OTOF: variants seen among roughly 807,000 people sequenced by gnomAD.
OTOF encodes otoferlin, also known as fer-1-like family member 2.
In OTOF, 218 loss-of-function variants were observed where a neutral mutation model predicts 236.8. The observed-to-expected ratio is 0.92, with a 90% CI of 0.82 to 1.03. The LOEUF (loss-of-function observed/expected upper bound fraction) is 1.03. Ranked by LOEUF, OTOF falls within the 50% of genes least tolerant of loss-of-function variation. OTOF has a pLI of 0.00. For missense variants in OTOF, 2,590 were observed against 2,694.4 expected, an observed-to-expected ratio of 0.96 and a Z score of 0.86; for synonymous variants, 1,041 against 1,072.5, an observed-to-expected ratio of 0.97 and a Z score of 0.57.
chr2:26,524,182 C>T (rs1311779616), intron 3 of OTOF, among the ~76,000 whole-genome samples: 2 of 152,230 alleles, frequency 1.3e-5, no homozygotes, highest in Non-Finnish European at 2.9e-5. Flanking sequence ...AACTATTCCC[C>T]TTTCTGTCTT....
At position 26,473,232 on chromosome 2, in the gene OTOF, G is replaced by A; in HGVS notation, c.3633C>T (p.Ala1211=). The A allele has an allele frequency of 6.2e-7, 1 of 1,613,380 alleles. No individual in the cohort carries two copies. Among genetic ancestry groups the A allele is most frequent in the Non-Finnish European group, 8.5e-7 (1 of 1,180,002 alleles). ...AGCCCACCAGTGTGTAGCGACCGAA[G>A]GCCCGGCAGTCCACCACACGGATGT... ...PLNIRVVDCR[A]FGRYTLVGSH... is the part of the protein sequence containing the mutation. Residue 1211 remains alanine, a synonymous_variant, in exon 29 of 47, where the codon GCC becomes GCT. Coordinates refer to ENST00000272371, the MANE Select transcript of OTOF (RefSeq NM_194248.3). This position sits in a 1 kb window ranked among gnomAD's most constrained non-coding sequence, Gnocchi z 7.2.
chr2:26,479,441 C>G (rs1169894976), intron 17 of OTOF, 32 bp downstream of exon 17: 1 of 1,604,874 alleles, frequency 6.2e-7, no homozygotes, highest in East Asian at 2.2e-5. Context: ...GTGGGAGGGC[C>G]AGGCCACAGG....
intron 5 of OTOF, among the ~76,000 whole-genome samples, chr2:26,504,123 G>C (rs1347657115): frequency 1.3e-5 from 2 of 152,122 alleles, no homozygotes; most frequent in Non-Finnish European, 2.9e-5. Flanking sequence ...ACGTGGTCTT[G>C]AGCCGGAAAG....
At chr2:26,510,786 C>T (rs747218726) in intron 5 of OTOF, 8 of 1,259,380 alleles carry the variant, frequency 6.4e-6, no homozygotes, top group East Asian at 5.6e-5. Flanking sequence ...CAAGGGGACA[C>T]GTGTGAGGGG....
Position 26,473,145 on chromosome 2 carries a change from GCTGGGGGCCGAGCGGT to G in OTOF, c.3704_3719del (p.Asp1235AlafsTer30). On this transcript the variant is annotated frameshift_variant, in exon 29 of 47. Coordinates refer to ENST00000272371, the MANE Select transcript of OTOF (RefSeq NM_194248.3). LOFTEE classifies it high-confidence loss of function. This position sits in a 1 kb window ranked among gnomAD's most constrained non-coding sequence, Gnocchi z 7.2. ...ATGTGGCCATACCCGTGGTGTTCCA[GCTGGGGGCCGAGCGGT>G]CTGGGGGCCGGTAGATGAAGCGTCG... 1 of 1,612,410 alleles carries G rather than the reference GCTGGGGGCCGAGCGGT, an allele frequency of 6.2e-7. No individual in the cohort carries two copies. Among genetic ancestry groups the G allele is most frequent in the South Asian group, 1.1e-5 (1 of 91,048 alleles).
In OTOF at chr2:26,480,884, G is replaced by C; in HGVS notation, c.1705C>G (p.Leu569Val). 1 of 1,613,030 alleles carries C rather than the reference G, an allele frequency of 6.2e-7. No homozygotes were observed. Among genetic ancestry groups the C allele is most frequent in the Non-Finnish European group, 8.5e-7 (1 of 1,179,994 alleles). Reference sequence around the variant, plus strand: ...ATCTCCACAGCCAGGCCCAGCAGGAGCCGGGCCCGGAAGGACACACCCTCC... The same window carrying C: ...ATCTCCACAGCCAGGCCCAGCAGGACCCGGGCCCGGAAGGACACACCCTCC... ...LGEGVSFRAR[L>V]LLGLAVEIVD... Residue 569 changes from leucine to valine, a missense_variant, in exon 15 of 47, where the codon CTC becomes GTC. Around this residue, in one of 2 missense-constraint regions of OTOF, gnomAD observed 1,379 missense variants for 1,341.6 expected, o/e 1.03. Coordinates refer to ENST00000272371, the MANE Select transcript of OTOF (RefSeq NM_194248.3).
intron 3 of OTOF, among the ~76,000 whole-genome samples, chr2:26,522,592 C>G (rs1379672662): frequency 6.6e-6 from 1 of 152,218 alleles, no homozygotes; most frequent in Non-Finnish European, 1.5e-5. Flanking sequence ...GAGGAGCTGC[C>G]TGGGAGAGTG....
chr2:26,499,656 CGCCACCACCATGCCTG>C (rs1454413743), intron 8 of OTOF, among the ~76,000 whole-genome samples: 4 of 151,940 alleles, frequency 2.6e-5, no homozygotes, highest in Non-Finnish European at 5.9e-5. Context: ...TACAGGTATG[CGCCACCACCATGCCTG>C]GCTAATTTTT....
At chr2:26,510,829 C>T (rs931893247) in intron 5 of OTOF, 2 of 955,382 alleles carry the variant, frequency 2.1e-6, no homozygotes, top group African/African-American at 1.7e-5. Flanking sequence ...TCAGCCCCGG[C>T]CCCACGGGCC....
chr2:26,544,025 T>C (rs1324312896), intron 1 of OTOF, among the ~76,000 whole-genome samples: 1 of 152,240 alleles, frequency 6.6e-6, no homozygotes, highest in Non-Finnish European at 1.5e-5. Flanking sequence ...CCAGCTTGCT[T>C]GTCCTTTAGA....
At chr2:26,504,778 T>C (rs541184518) in intron 5 of OTOF, among the ~76,000 whole-genome samples, 47 of 152,238 alleles carry the variant, frequency 3.1e-4, no homozygotes, top group African/African-American at 1.1e-3. Context: ...AGTGTTCCAT[T>C]ACCCCATCCA....
At chr2:26,490,412 G>A (rs990554215) in intron 9 of OTOF, among the ~76,000 whole-genome samples, 2 of 152,222 alleles carry the variant, frequency 1.3e-5, no homozygotes, top group East Asian at 3.9e-4. Flanking sequence ...AATGCCATGG[G>A]TGTGCACTGT....
At chr2:26,516,739 C>G in intron 4 of OTOF, 140 bp from the exon 5 acceptor site, 2 of 868,830 alleles carry the variant, frequency 2.3e-6, no homozygotes, top group South Asian at 1.4e-5. Context: ...ATGATCCCCT[C>G]TGCCCCATTT....
At position 26,476,987 on chromosome 2, in the gene OTOF, G is replaced by A. The variant is rs2272069; in HGVS notation, c.2580C>T (p.Val860=). ...CCTTGGAGGGCACACGGGCATAGGC[G>A]ACACGCTTGTTGTTGCTCATCATCC... ...FIWMMSNNKR[V]AYARVPSKDL... is the part of the protein sequence containing the mutation. The change falls in exon 22 of 47, where the codon GTC becomes GTT. Residue 860 remains valine (V), a synonymous_variant. Coordinates refer to ENST00000272371, the MANE Select transcript of OTOF (RefSeq NM_194248.3). 4.3e-6 allele frequency: 7 copies of A among 1,610,928 alleles called. No homozygotes were observed. The highest frequency in any genetic ancestry group is 4.0e-5 in the African/African-American group (3 of 74,706).
chr2:26,551,833 C>A (rs966016498), intron 1 of OTOF, among the ~76,000 whole-genome samples: 1 of 152,112 alleles, frequency 6.6e-6, no homozygotes, highest in African/African-American at 2.4e-5. Flanking sequence ...TTATTAATTT[C>A]TTTAAAATGA....
chr2:26,458,020 C>T lies in OTOF; in HGVS notation c.*218G>A, dbSNP rs1487181979. ...GAAATGCGGCAGGGCTGGGGAGCGG[C>T]TGGCGGGAGCTGGCGGCCTTCATGC... On this transcript the variant is annotated 3_prime_UTR_variant, in exon 47 of 47. Coordinates refer to ENST00000272371, the MANE Select transcript of OTOF (RefSeq NM_194248.3). 2.7e-5 allele frequency: 43 copies of T among 1,606,490 alleles called. No homozygotes were observed. Among genetic ancestry groups the T allele is most frequent in the Non-Finnish European group, 3.6e-5 (42 of 1,175,242 alleles).
chr2:26,497,256 C>A (rs564925686), intron 8 of OTOF, among the ~76,000 whole-genome samples: 2 of 152,154 alleles, frequency 1.3e-5, no homozygotes, highest in South Asian at 4.2e-4. Context: ...GCGCCTGCCA[C>A]CGCACGGCTA....
intron 2 of OTOF, among the ~76,000 whole-genome samples, chr2:26,535,418 G>A (rs551807812): frequency 3.9e-5 from 6 of 152,100 alleles, no homozygotes; most frequent in Non-Finnish European, 7.4e-5. Flanking sequence ...ATCTTCCCAC[G>A]GGGCTCCCAG....
chr2:26,476,394 AG>A (rs1332158610), intron 22 of OTOF, 77 bp from the exon 23 acceptor site: 6 of 1,402,702 alleles, frequency 4.3e-6, no homozygotes, highest in African/African-American at 1.4e-5. Context: ...AGGGGCCGGC[AG>A]AGGCCCTGGT....
Sources: gnomAD v4.1 joint callset for allele counts (sites outside exome capture counted in the v4.1 genomes callset) on GRCh38, gnomAD v4.1.1 for gene constraint, gnomAD v4.1.1 regional missense constraint, Gnocchi (gnomAD v3.1) non-coding constraint, MANE v1.5 for transcripts, NCBI Gene and HGNC (gene_info 2026-07-23, HGNC 2026-07-21) for gene names.